Variants in TUSC3 observed in about 807,000 individuals in gnomAD.
TUSC3 encodes dolichyl-diphosphooligosaccharide--protein glycosyltransferase subunit TUSC3.
TUSC3 carries 45 observed loss-of-function variants against 44.8 expected under a neutral mutation model. The observed-to-expected ratio is 1.00, with a 90% CI of 0.79 to 1.29. TUSC3 has a LOEUF of 1.29. Ranked by LOEUF, TUSC3 falls within the 50% of genes most tolerant of loss-of-function variation. The pLI, the probability that TUSC3 is intolerant of heterozygous loss-of-function variation, is 0.00. For missense variants in TUSC3, 519 were observed against 437.9 expected (o/e 1.19, Z -1.65); for synonymous variants, 212 against 152.9 (o/e 1.39, Z -2.85).
chr8:15,669,904 T>C (rs781060639), intron 5 of TUSC3, among the ~76,000 whole-genome samples: 3 of 151,624 alleles, frequency 2.0e-5, no homozygotes, highest in Admixed American at 6.6e-5. Context: ...TTTGATTTTG[T>C]ACATAGAAAA....
chr8:15,664,771 A>T (rs961644960), intron 5 of TUSC3, among the ~76,000 whole-genome samples: 11 of 149,514 alleles, frequency 7.4e-5, no homozygotes, highest in Non-Finnish European at 1.2e-4. Flanking sequence ...TAAATCATTT[A>T]AAAAATGAGA....
intron 6 of TUSC3, among the ~76,000 whole-genome samples, chr8:15,721,498 T>C (rs184053458): frequency 1.3e-5 from 2 of 152,208 alleles, no homozygotes; most frequent in African/African-American, 4.8e-5. Flanking sequence ...ACTTTTCATA[T>C]ATACGTGATG....
At chr8:15,750,086 T>A (rs768985303) in intron 9 of TUSC3, among the ~76,000 whole-genome samples, 132 of 151,154 alleles carry the variant, frequency 8.7e-4, no homozygotes, top group Non-Finnish European at 1.6e-3. Flanking sequence ...TTCACTCCAT[T>A]CTCCTGCCTC....
chr8:15,699,602 A>G (rs1809311566), intron 6 of TUSC3, among the ~76,000 whole-genome samples: 1 of 152,178 alleles, frequency 6.6e-6, no homozygotes, highest in East Asian at 1.9e-4. Flanking sequence ...TAATACTTGT[A>G]TTTTCAAATG....
At chr8:15,446,064 A>G (rs1800093234) in intron 1 of TUSC3, among the ~76,000 whole-genome samples, 1 of 150,370 alleles carries the variant, frequency 6.7e-6, no homozygotes, top group Non-Finnish European at 1.5e-5. Flanking sequence ...GTGGTGGGGC[A>G]GAGACGCTCC....
At chr8:15,726,282 TAAAC>T (rs1300190257) in intron 6 of TUSC3, among the ~76,000 whole-genome samples, 6 of 152,250 alleles carry the variant, frequency 3.9e-5, no homozygotes, top group African/African-American at 1.2e-4. Context: ...ACACTAATAT[TAAAC>T]AAAATATATA....
intron 1 of TUSC3, among the ~76,000 whole-genome samples, chr8:15,583,596 G>A (rs568806184): frequency 3.1e-4 from 47 of 152,314 alleles, no homozygotes; most frequent in African/African-American, 1.1e-3. Context: ...ATGTAAGAAA[G>A]AAGAATTTTG....
intron 1 of TUSC3, among the ~76,000 whole-genome samples, chr8:15,453,333 A>G (rs1196877829): frequency 3.3e-5 from 5 of 152,210 alleles, no homozygotes; most frequent in Admixed American, 6.5e-5. Flanking sequence ...AAAATGAATA[A>G]GTATATATAC....
chr8:15,710,627 C>T (rs1809802532), intron 6 of TUSC3, among the ~76,000 whole-genome samples: 1 of 151,682 alleles, frequency 6.6e-6, no homozygotes, highest in Non-Finnish European at 1.5e-5. Context: ...AACCCCCAGG[C>T]TACTTATTAA....
At chr8:15,792,048 G>A in the TUSC3 span, among the ~76,000 whole-genome samples, 2 of 151,946 alleles carry the variant, frequency 1.3e-5, no homozygotes, top group Non-Finnish European at 2.9e-5. Context: ...TGTGGTTCAT[G>A]GGTTGGATGT....
chr8:15,484,017 A>T (rs372243292), intron 2 of TUSC3, among the ~76,000 whole-genome samples: 2 of 152,012 alleles, frequency 1.3e-5, no homozygotes, highest in Non-Finnish European at 2.9e-5. Context: ...TGACATTGCT[A>T]TGTGTTCTCT....
chr8:15,448,742 A>G (rs1192395132), intron 1 of TUSC3, among the ~76,000 whole-genome samples: 1 of 152,184 alleles, frequency 6.6e-6, no homozygotes, highest in Non-Finnish European at 1.5e-5. Context: ...TTGCAGCAAA[A>G]AGATATTTAT....
At chr8:15,433,840 A>G (rs1365480764) in intron 1 of TUSC3, among the ~76,000 whole-genome samples, 1 of 152,070 alleles carries the variant, frequency 6.6e-6, no homozygotes, top group African/African-American at 2.4e-5. Flanking sequence ...CTGTATTTGG[A>G]TTTTTTCCAG....
intron 2 of TUSC3, among the ~76,000 whole-genome samples, chr8:15,637,327 G>T (rs1806126748): frequency 1.3e-5 from 2 of 152,000 alleles, no homozygotes; most frequent in Non-Finnish European, 2.9e-5. Flanking sequence ...TTTCTTTGAA[G>T]ACTTTGTAAT....
the TUSC3 span, among the ~76,000 whole-genome samples, chr8:15,788,789 T>C: frequency 6.6e-6 from 1 of 152,152 alleles, no homozygotes; most frequent in African/African-American, 2.4e-5. Flanking sequence ...TGAGAGATGC[T>C]AACATCCTCA....
intron 2 of TUSC3, among the ~76,000 whole-genome samples, chr8:15,520,867 C>T (rs541597785): frequency 1.5e-4 from 23 of 152,192 alleles, no homozygotes; most frequent in Non-Finnish European, 2.5e-4. Context: ...ATAGTCTCAG[C>T]GGGAGAAATA....
intron 1 of TUSC3, among the ~76,000 whole-genome samples, chr8:15,572,629 C>A (rs573823214): frequency 2.0e-4 from 31 of 152,250 alleles, no homozygotes; most frequent in African/African-American, 7.5e-4. Flanking sequence ...TTTCCACATG[C>A]CTTCCTCACT....
intron 9 of TUSC3, among the ~76,000 whole-genome samples, chr8:15,750,492 G>A (rs1180769052): frequency 6.6e-6 from 1 of 151,570 alleles, no homozygotes; most frequent in African/African-American, 2.4e-5. Context: ...TTTTTGTTAC[G>A]ATAGGAAGAG....
At chr8:15,781,851 G>A in the TUSC3 span, among the ~76,000 whole-genome samples, 1 of 152,134 alleles carries the variant, frequency 6.6e-6, no homozygotes, top group African/African-American at 2.4e-5. Flanking sequence ...AAAGAAAACT[G>A]GATGGGCACG....
Sources: allele counts gnomAD v4.1 joint callset (sites outside exome capture counted in the v4.1 genomes callset), GRCh38; gene constraint gnomAD v4.1.1; transcripts MANE v1.5; gene names NCBI Gene and HGNC (gene_info 2026-07-23, HGNC 2026-07-21).